CFAP58: variants seen among roughly 807,000 people sequenced by gnomAD.
CFAP58 encodes cilia and flagella associated protein 58, also known as cilia- and flagella-associated protein 58.
In CFAP58, 88 loss-of-function variants were observed where a neutral mutation model predicts 119.5. That is an observed-to-expected ratio of 0.74 (90% CI 0.62 to 0.88). The LOEUF is 0.88. CFAP58 is among the 40% of genes least tolerant of loss of function. CFAP58 has a pLI of 0.00. For synonymous variants in CFAP58, 365 were observed against 366.3 expected (o/e 1.00, Z 0.04); for missense variants, 990 against 1,021.2 (o/e 0.97, Z 0.42).
intron 15 of CFAP58, among the ~76,000 whole-genome samples, chr10:104,422,681 C>T (rs750526937): frequency 2.6e-5 from 4 of 152,202 alleles, no homozygotes; most frequent in Admixed American, 6.5e-5. Flanking sequence ...CTCCACCAGC[C>T]TAGCCCAGGC....
upstream of CFAP58, among the ~76,000 whole-genome samples, chr10:104,352,128 T>C (rs1392534809): frequency 6.6e-6 from 1 of 152,086 alleles, no homozygotes; most frequent in Non-Finnish European, 1.5e-5. Flanking sequence ...AATTAGAAAA[T>C]TAGCTAATTA....
At chr10:104,454,003 A>G (rs997654304) in intron 17 of CFAP58, among the ~76,000 whole-genome samples, 1 of 152,170 alleles carries the variant, frequency 6.6e-6, no homozygotes, top group African/African-American at 2.4e-5. Flanking sequence ...TGTAGTAAAT[A>G]TTTATAAGTT....
At chr10:104,365,569 C>T (rs2014730166) in intron 4 of CFAP58, among the ~76,000 whole-genome samples, 2 of 152,140 alleles carry the variant, frequency 1.3e-5, no homozygotes, top group South Asian at 2.1e-4. Context: ...TTTTATACCA[C>T]ACTTTGTGGA....
intron 1 of CFAP58, among the ~76,000 whole-genome samples, chr10:104,358,136 CA>C (rs2014618696): frequency 6.8e-6 from 1 of 147,566 alleles, no homozygotes; most frequent in South Asian, 2.1e-4. Context: ...TATATATACA[CA>C]TATATATGTA....
At chr10:104,426,262 C>T (rs2012743080) in intron 15 of CFAP58, among the ~76,000 whole-genome samples, 1 of 152,056 alleles carries the variant, frequency 6.6e-6, no homozygotes, top group Admixed American at 6.6e-5. Context: ...ACAAACAAGA[C>T]CAGCATAGGG....
rs77897252 is a variant in CFAP58, at chr10:104,451,235, A to C, written c.2510+1031A>C. ...ACATGGTGAAATATGGCTTGAGTGCATTTGCCTATGATTTGTTAGTAGCAA... is the reference window on the plus strand; with the variant it reads ...ACATGGTGAAATATGGCTTGAGTGCCTTTGCCTATGATTTGTTAGTAGCAA... On this transcript the variant is annotated intron_variant, in intron 17 of 17. Transcript: ENST00000369704. Among the ~76,000 whole-genome samples, 352 of 152,242 alleles carry C rather than the reference A, an allele frequency of 2.3e-3. 11 individuals carry two copies. In the East Asian group the frequency reaches 0.06, roughly 26 times the overall value.
intron 15 of CFAP58, among the ~76,000 whole-genome samples, chr10:104,422,674 C>T (rs2012680689): frequency 6.6e-6 from 1 of 152,210 alleles, no homozygotes; most frequent in African/African-American, 2.4e-5. Flanking sequence ...TACCTGTCTC[C>T]ACCAGCCTAG....
chr10:104,451,689 G>T (rs995980435), intron 17 of CFAP58, among the ~76,000 whole-genome samples: 5 of 152,174 alleles, frequency 3.3e-5, no homozygotes, highest in African/African-American at 1.2e-4. Flanking sequence ...ACATGAAGCA[G>T]GTGTCTAACT....
At chr10:104,420,953 A>G (rs530619304) in intron 15 of CFAP58, among the ~76,000 whole-genome samples, 42 of 151,976 alleles carry the variant, frequency 2.8e-4, no homozygotes, top group Admixed American at 5.9e-4. Context: ...GGTTTTTGCT[A>G]TGTTGCTCAG....
At chr10:104,344,416 TA>T in the CFAP58 span, among the ~76,000 whole-genome samples, 1 of 152,226 alleles carries the variant, frequency 6.6e-6, no homozygotes, top group Non-Finnish European at 1.5e-5. Flanking sequence ...CCTGCTTCTA[TA>T]AATACAATTA....
intron 1 of CFAP58, among the ~76,000 whole-genome samples, chr10:104,354,778 C>G (rs2135238539): frequency 6.6e-6 from 1 of 152,310 alleles, no homozygotes; most frequent in Non-Finnish European, 1.5e-5. Flanking sequence ...TAAGACAGAA[C>G]AGCAGAGCAT....
the CFAP58 span, among the ~76,000 whole-genome samples, chr10:104,339,127 C>G: frequency 6.6e-6 from 1 of 152,164 alleles, no homozygotes; most frequent in African/African-American, 2.4e-5. Flanking sequence ...AGGCTGGTCT[C>G]GAACTCCCTT....
intron 6 of CFAP58, among the ~76,000 whole-genome samples, chr10:104,369,939 G>C (rs2014800619): frequency 6.6e-6 from 1 of 152,114 alleles, no homozygotes; most frequent in African/African-American, 2.4e-5. Context: ...CAAAAATCGG[G>C]TGCTTTTCTT....
chr10:104,383,753 AACACACACACACAC>A (rs59181888), intron 9 of CFAP58, among the ~76,000 whole-genome samples: 2 of 145,850 alleles, frequency 1.4e-5, no homozygotes, highest in Non-Finnish European at 3.0e-5. Context: ...TTTACTGTCC[AACACACACACACAC>A]ACACACACAC....
chr10:104,441,696 G>A (rs1322921250), intron 15 of CFAP58, among the ~76,000 whole-genome samples: 2 of 152,170 alleles, frequency 1.3e-5, no homozygotes, highest in African/African-American at 2.4e-5. Context: ...TTTCTCATAT[G>A]CCTCATAAAA....
At chr10:104,438,943 C>T (rs181865742) in intron 15 of CFAP58, among the ~76,000 whole-genome samples, 4 of 152,258 alleles carry the variant, frequency 2.6e-5, no homozygotes, top group Non-Finnish European at 5.9e-5. Flanking sequence ...CAGAAACACA[C>T]AATAACCATA....
At chr10:104,383,753 AAC>A (rs59181888) in intron 9 of CFAP58, among the ~76,000 whole-genome samples, 2,415 of 145,676 alleles carry the variant, frequency 0.017, 64 homozygotes, top group African/African-American at 0.051. Flanking sequence ...TTTACTGTCC[AAC>A]ACACACACAC....
chr10:104,432,989 T>A (rs916107600), intron 15 of CFAP58, among the ~76,000 whole-genome samples: 6 of 152,246 alleles, frequency 3.9e-5, no homozygotes, highest in Non-Finnish European at 7.3e-5. Flanking sequence ...ATGTTTCTTG[T>A]AGTGTTATTT....
In CFAP58 at chr10:104,358,313, C is replaced by G. The variant is rs2014621414; in HGVS notation, c.10-28C>G. 5 of 1,595,610 alleles carry G rather than the reference C, an allele frequency of 3.1e-6. No homozygotes were observed. The South Asian group carries it at 3.4e-5, about 11-fold the overall frequency. ...GTAATGATGTAAATGTTGCATTGCC[C>G]TTTCCCATCCCTGCTTTTTTTCTAT... On this transcript the variant is annotated intron_variant, in intron 1 of 17. Coordinates refer to ENST00000369704, the MANE Select transcript of CFAP58 (RefSeq NM_001008723.2).
Sources: gnomAD v4.1 joint callset for allele counts (sites outside exome capture counted in the v4.1 genomes callset) on GRCh38, gnomAD v4.1.1 for gene constraint, MANE v1.5 for transcripts, NCBI Gene and HGNC (gene_info 2026-07-23, HGNC 2026-07-21) for gene names.